Variants in CCNY observed in about 807,000 individuals in gnomAD.
The protein encoded by CCNY is cyclin Y, also known as cyclin-Y.
A neutral mutation model predicts 42.8 loss-of-function variants in CCNY; 19 were observed. The ratio of observed to expected loss-of-function variants is 0.44; its 90% CI spans 0.31 to 0.65. CCNY has a LOEUF of 0.65. Ranked by LOEUF, CCNY falls within the 30% of genes least tolerant of loss-of-function variation. The pLI is 0.07. For synonymous variants in CCNY, 165 were observed against 162.7 expected (o/e 1.01, Z -0.11); for missense variants, 370 against 437.3 (o/e 0.85, Z 1.37).
Position 35,430,162 on chromosome 10 carries a change from C to G in CCNY, c.155-53242C>G, listed in dbSNP as rs191363290. Among the ~76,000 whole-genome samples, 443 of 151,066 alleles carry G rather than the reference C, an allele frequency of 2.9e-3. 1 individual carries two copies. The highest frequency in any genetic ancestry group is 0.01 in the African/African-American group (417 of 41,096). On this transcript the variant is annotated intron_variant, in intron 1 of 9. Coordinates refer to ENST00000374704, the MANE Select transcript of CCNY (RefSeq NM_145012.6). ...ACCATCCCGGCTAAAACGGTGAAAC[C>G]CCGTCTCTACTAAAAATACAAAAAA... is the stretch of plus-strand genomic sequence containing the variant.
intron 3 of CCNY, among the ~76,000 whole-genome samples, chr10:35,279,826 T>C (rs1165915127): frequency 6.6e-6 from 1 of 152,194 alleles, no homozygotes; most frequent in Non-Finnish European, 1.5e-5. Flanking sequence ...TGTAATTGCC[T>C]ATGATCAAGT....
intron 1 of CCNY, among the ~76,000 whole-genome samples, chr10:35,366,857 A>G (rs986459733): frequency 8.5e-5 from 13 of 152,208 alleles, no homozygotes; most frequent in African/African-American, 3.1e-4. Flanking sequence ...AATTTTAAAG[A>G]ATAAATTTAG....
Position 35,337,174 on chromosome 10 carries a change from C to T in CCNY, c.121C>T (p.Leu41=), listed in dbSNP as rs753430759. The part of the protein sequence containing the change: ...DLSREDTGCN[L]QHISDRENID... ...GAGCCGCGAGGACACGGGCTGCAACCTGCAGCACATCAGCGACCGGGAGAA... is the reference window on the plus strand; with the variant it reads ...GAGCCGCGAGGACACGGGCTGCAACTTGCAGCACATCAGCGACCGGGAGAA... Residue 41 remains leucine, a synonymous_variant, in exon 1 of 10, where the codon CTG becomes TTG. Coordinates refer to ENST00000374704, the MANE Select transcript of CCNY (RefSeq NM_145012.6). 2 of 1,572,234 alleles carry T rather than the reference C, an allele frequency of 1.3e-6. No homozygotes were observed. Among genetic ancestry groups the T allele is most frequent in the Non-Finnish European group, 8.6e-7 (1 of 1,161,222 alleles).
intron 1 of CCNY, among the ~76,000 whole-genome samples, chr10:35,447,195 T>C (rs1192063947): frequency 1.3e-5 from 2 of 152,220 alleles, no homozygotes; most frequent in African/African-American, 4.8e-5. Context: ...GAGAATGGCG[T>C]GAACCCGGGA....
intron 7 of CCNY, among the ~76,000 whole-genome samples, chr10:35,543,810 G>A (rs1311111084): frequency 6.6e-6 from 1 of 152,160 alleles, no homozygotes; most frequent in Non-Finnish European, 1.5e-5. Context: ...TGCCTCTGGA[G>A]ACCTGGCAGT....
At chr10:35,449,902 C>T in intron 1 of CCNY, 2 of 610,782 alleles carry the variant, frequency 3.3e-6, no homozygotes, top group Non-Finnish European at 4.1e-6. Context: ...TCAGGGCCTA[C>T]CTGAGTAGGG....
chr10:35,400,885 T>C (rs1376908276), intron 1 of CCNY, among the ~76,000 whole-genome samples: 1 of 152,242 alleles, frequency 6.6e-6, no homozygotes, highest in Non-Finnish European at 1.5e-5. Context: ...TGTGTGTTTT[T>C]TAATAGTAGG....
chr10:35,358,779 T>C (rs1373556928), intron 1 of CCNY, among the ~76,000 whole-genome samples: 1 of 152,228 alleles, frequency 6.6e-6, no homozygotes, highest in Non-Finnish European at 1.5e-5. Flanking sequence ...AACTCACAGC[T>C]GATGACCGTG....
At chr10:35,309,616 T>C (rs114498267) in intron 3 of CCNY, among the ~76,000 whole-genome samples, 1 of 152,012 alleles carries the variant, frequency 6.6e-6, no homozygotes, top group Admixed American at 6.6e-5. Context: ...AGATGAGGTC[T>C]CACTATGTTG....
At chr10:35,360,573 T>C (rs915272215) in intron 1 of CCNY, among the ~76,000 whole-genome samples, 2 of 151,808 alleles carry the variant, frequency 1.3e-5, no homozygotes, top group Non-Finnish European at 2.9e-5. Flanking sequence ...TGAGTCACTG[T>C]GCTCTGCCTA....
chr10:35,550,695 C>G (rs1444976334), intron 7 of CCNY, among the ~76,000 whole-genome samples: 1 of 152,170 alleles, frequency 6.6e-6, no homozygotes, highest in African/African-American at 2.4e-5. Flanking sequence ...TAGGCACTTG[C>G]AAACACAGCT....
At chr10:35,458,388 A>G (rs1176115731) in intron 1 of CCNY, among the ~76,000 whole-genome samples, 1 of 152,252 alleles carries the variant, frequency 6.6e-6, no homozygotes, top group African/African-American at 2.4e-5. Context: ...GAGTTTGTAA[A>G]GATTCTGAAC....
intron 1 of CCNY, among the ~76,000 whole-genome samples, chr10:35,389,956 G>A (rs1001814311): frequency 6.6e-6 from 1 of 152,194 alleles, no homozygotes; most frequent in Admixed American, 6.5e-5. Flanking sequence ...TCTATCTGAA[G>A]ACTGCTCTCT....
At chr10:35,364,098 G>A (rs114138559) in intron 1 of CCNY, among the ~76,000 whole-genome samples, 1,660 of 152,174 alleles carry the variant, frequency 0.011, 39 homozygotes, top group African/African-American at 0.038. Context: ...GATCTCCAAA[G>A]TGGTGTCAAA....
intron 7 of CCNY, among the ~76,000 whole-genome samples, chr10:35,538,115 C>G (rs906712102): frequency 6.6e-6 from 1 of 152,188 alleles, no homozygotes; most frequent in African/African-American, 2.4e-5. Flanking sequence ...CTCTCATTCT[C>G]TCTCTGCCTG....
At chr10:35,337,300 C>G (rs941210819) in intron 1 of CCNY, 93 bp downstream of exon 1, 15 of 1,288,604 alleles carry the variant, frequency 1.2e-5, no homozygotes, top group Non-Finnish European at 1.5e-5. Flanking sequence ...CTTGCCCAGC[C>G]GGTCTCGGCG....
chr10:35,444,396 C>A (rs930657936), intron 1 of CCNY, among the ~76,000 whole-genome samples: 1 of 152,000 alleles, frequency 6.6e-6, no homozygotes, highest in African/African-American at 2.4e-5. Context: ...TATGGGTGTG[C>A]GCCATCACGC....
intron 7 of CCNY, among the ~76,000 whole-genome samples, chr10:35,552,773 G>A (rs182226494): frequency 2.6e-5 from 4 of 152,266 alleles, no homozygotes; most frequent in African/African-American, 9.6e-5. Flanking sequence ...GTGCTTCCTG[G>A]AATTGTTTCC....
intron 1 of CCNY, among the ~76,000 whole-genome samples, chr10:35,347,980 C>T (rs77395393): frequency 0.023 from 3,456 of 152,254 alleles, 96 homozygotes; most frequent in African/African-American, 0.063. Flanking sequence ...AAATTTCAGA[C>T]GCACATATTT....
Sources: gnomAD v4.1 joint callset for allele counts (sites outside exome capture counted in the v4.1 genomes callset) on GRCh38, gnomAD v4.1.1 for gene constraint, MANE v1.5 for transcripts, NCBI Gene and HGNC (gene_info 2026-07-23, HGNC 2026-07-21) for gene names.